DGKH: variants seen among roughly 807,000 people sequenced by gnomAD.
DGKH encodes DAG kinase eta.
DGKH carries 90 observed loss-of-function variants against 159.3 expected under a neutral mutation model. That is an observed-to-expected ratio of 0.57 (90% CI 0.48 to 0.67). DGKH has a LOEUF of 0.67. Among genes scored for constraint, DGKH ranks in the 30% least tolerant of loss-of-function variants. The probability of loss-of-function intolerance (pLI) is 0.00; values close to 1 mark genes in which losing one functional copy is unlikely to be tolerated. For missense variants in DGKH, 1,181 were observed against 1,506.1 expected (o/e 0.78, Z 3.57); for synonymous variants, 536 against 553.8 (o/e 0.97, Z 0.45).
chr13:42,137,407 C>T lies in DGKH; in HGVS notation c.384+7775C>T, dbSNP rs116992484. On this transcript the variant is annotated intron_variant, in intron 3 of 29. Transcript: ENST00000337343. ...AATTCTTTATATGAATCCTAGAGTG[C>T]AAGAATTATTGTGATTCCCATTTGA... 8.4e-3 allele frequency among the ~76,000 whole-genome samples: 1,277 copies of T among 152,222 alleles called. 8 individuals are homozygous for T. Among genetic ancestry groups the T allele is most frequent in the Non-Finnish European group, 0.013 (888 of 68,012 alleles).
intron 24 of DGKH, among the ~76,000 whole-genome samples, chr13:42,211,900 A>T (rs577586846): frequency 3.9e-5 from 6 of 152,192 alleles, no homozygotes; most frequent in Admixed American, 2.6e-4. Flanking sequence ...ACAGTACAGG[A>T]AAAACTCACC....
chr13:42,065,885 A>G (rs915475144), intron 1 of DGKH, among the ~76,000 whole-genome samples: 1 of 152,186 alleles, frequency 6.6e-6, no homozygotes, highest in Non-Finnish European at 1.5e-5. Flanking sequence ...ATCATATGAT[A>G]TATAAAACAT....
intron 1 of DGKH, among the ~76,000 whole-genome samples, chr13:42,082,858 C>T (rs1432644424): frequency 6.6e-6 from 1 of 152,158 alleles, no homozygotes; most frequent in Non-Finnish European, 1.5e-5. Flanking sequence ...CCAAACCTTG[C>T]TTGTTTTGTT....
chr13:42,048,201 C>A (rs1880936611), upstream of DGKH, among the ~76,000 whole-genome samples: 1 of 152,116 alleles, frequency 6.6e-6, no homozygotes, highest in Admixed American at 6.5e-5. The surrounding 1 kb of genome is among the most constrained non-coding windows in gnomAD (Gnocchi z 6.7). Context: ...TGGAACCGCG[C>A]GGCGAGGCCC....
intron 1 of DGKH, among the ~76,000 whole-genome samples, chr13:42,041,886 G>A (rs753247980): frequency 2.5e-4 from 38 of 152,150 alleles, no homozygotes; most frequent in Admixed American, 7.2e-4. Flanking sequence ...GTTTTCCCAG[G>A]GACTCTCCGA....
chr13:42,130,932 A>G (rs1440398079), intron 3 of DGKH, among the ~76,000 whole-genome samples: 2 of 151,918 alleles, frequency 1.3e-5, no homozygotes, highest in Non-Finnish European at 2.9e-5. Flanking sequence ...GTAAAGGAGA[A>G]TCAGGAGTCA....
At chr13:42,256,113 A>G in intron 30 of DGKH, 1 of 1,183,488 alleles carries the variant, frequency 8.4e-7, no homozygotes, top group Non-Finnish European at 1.3e-6. Flanking sequence ...ATGCCAGGCA[A>G]GGTGAACCCT....
rs1382768343 is a variant in DGKH at position 42,232,014 on chromosome 13, GT to G, written c.*2829del. 4 of 152,320 alleles carry G rather than the reference GT, an allele frequency of 2.6e-5. No individual in the cohort carries two copies. Among genetic ancestry groups the G allele is most frequent in the African/African-American group, 9.6e-5 (4 of 41,568 alleles). The allele number at this position is 152,320 out of a possible 1,614,324, so 9.4% of individuals were successfully genotyped here. ...GGCCCAAATGACTTCACTGACACCT[GT>G]TTCCAGGAGGGGGTCTTCAGAGCCT... On this transcript the variant is annotated 3_prime_UTR_variant, in exon 30 of 30. Coordinates refer to ENST00000337343, the MANE Select transcript of DGKH (RefSeq NM_178009.5).
In DGKH at chr13:42,229,087, C is replaced by A; in HGVS notation, c.3574-12C>A. 1 of 1,583,652 alleles carries A rather than the reference C, an allele frequency of 6.3e-7. No homozygotes were observed. Among genetic ancestry groups the A allele is most frequent in the Non-Finnish European group, 8.6e-7 (1 of 1,166,046 alleles). ...TTAATTATTTCTACCTTTTTCTGTTCTTTTATTTTAGGATCTGGGGATACC... is the reference window on the plus strand; with the variant it reads ...TTAATTATTTCTACCTTTTTCTGTTATTTTATTTTAGGATCTGGGGATACC... On this transcript the variant is annotated splice_polypyrimidine_tract_variant and intron_variant, in intron 29 of 29. Coordinates refer to ENST00000337343, the MANE Select transcript of DGKH (RefSeq NM_178009.5).
chr13:42,128,528 A>C (rs1566116205), intron 2 of DGKH, among the ~76,000 whole-genome samples: 1 of 152,148 alleles, frequency 6.6e-6, no homozygotes, highest in Non-Finnish European at 1.5e-5. Context: ...GACAGCCTCC[A>C]GTTTGGGCTC....
intron 29 of DGKH, among the ~76,000 whole-genome samples, chr13:42,250,962 CT>C (rs1398681788): frequency 6.6e-6 from 1 of 152,074 alleles, no homozygotes. Flanking sequence ...TTACAGCATG[CT>C]GGCAATATGT....
At chr13:42,248,432 AT>A (rs201384113) in intron 29 of DGKH, among the ~76,000 whole-genome samples, 24 of 144,660 alleles carry the variant, frequency 1.7e-4, no homozygotes, top group African/African-American at 2.3e-4. Flanking sequence ...TCTCAAAAAA[AT>A]ATATATATAA....
intron 24 of DGKH, among the ~76,000 whole-genome samples, chr13:42,212,122 C>T (rs896842971): frequency 1.3e-5 from 2 of 152,128 alleles, no homozygotes; most frequent in African/African-American, 4.8e-5. Flanking sequence ...AGAAGGAAAG[C>T]AAAGCTCAGT....
At chr13:42,070,271 G>A (rs1202651294) in intron 1 of DGKH, 5 of 1,205,278 alleles carry the variant, frequency 4.1e-6, no homozygotes, top group African/African-American at 3.0e-5. Flanking sequence ...GGTTTGTGTG[G>A]CTCAGTCATG....
chr13:42,065,739 G>T (rs1882515838), intron 1 of DGKH, among the ~76,000 whole-genome samples: 2 of 152,120 alleles, frequency 1.3e-5, no homozygotes, highest in Non-Finnish European at 2.9e-5. Flanking sequence ...GGAGGCCGGG[G>T]TCCCATCGGA....
rs1958524419 is a variant in DGKH, at chr13:42,242,103, A to G, written c.*12915A>G. 6.6e-6 allele frequency: 1 copy of G among 152,228 alleles called. No individual in the cohort carries two copies. The highest frequency in any genetic ancestry group is 1.5e-5 in the Non-Finnish European group (1 of 68,024). 9.4% of individuals were successfully genotyped at this position (152,228 alleles called of 1,614,324 possible). On this transcript the variant is annotated 3_prime_UTR_variant, in exon 30 of 30. Transcript: ENST00000337343. ...TTGTTTGACTTTGTACAAGGTCCAC[A>G]AAAGGAGGAGGCTCAAAAGATTGGA...
At chr13:42,204,348 CA>C (rs1371929042) in intron 20 of DGKH, among the ~76,000 whole-genome samples, 4 of 152,290 alleles carry the variant, frequency 2.6e-5, no homozygotes, top group African/African-American at 9.6e-5. Context: ...ATGTGCCAGA[CA>C]AACCCCCAGG....
chr13:42,254,711 A>C (rs1958644866), intron 30 of DGKH, among the ~76,000 whole-genome samples: 1 of 152,172 alleles, frequency 6.6e-6, no homozygotes, highest in African/African-American at 2.4e-5. Flanking sequence ...TTAAGTAATA[A>C]ACTAAATTGA....
chr13:42,053,334 T>A (rs1026083839), intron 1 of DGKH, among the ~76,000 whole-genome samples: 1 of 148,754 alleles, frequency 6.7e-6, no homozygotes. Flanking sequence ...AAAAAAAAAA[T>A]CTTACTACTA....
Sources: allele counts gnomAD v4.1 joint callset (sites outside exome capture counted in the v4.1 genomes callset), GRCh38; gene constraint gnomAD v4.1.1; non-coding constraint Gnocchi (gnomAD v3.1); transcripts MANE v1.5; gene names NCBI Gene and HGNC (gene_info 2026-07-23, HGNC 2026-07-21).